Variants in SLC38A1 observed in about 807,000 individuals in gnomAD.
SLC38A1 encodes sodium-coupled neutral amino acid symporter 1.
Under a neutral mutation model 60.3 loss-of-function variants are expected in SLC38A1, and 18 were observed. That is an observed-to-expected ratio of 0.30 (90% CI 0.21 to 0.44). The LOEUF (loss-of-function observed/expected upper bound fraction) is 0.44, where lower values mean the gene tolerates loss of function less well. Among genes scored for constraint, SLC38A1 ranks in the 20% least tolerant of loss-of-function variants. The pLI, the probability that SLC38A1 is intolerant of heterozygous loss-of-function variation, is 1.00. For missense variants in SLC38A1, 448 were observed against 587.2 expected, an observed-to-expected ratio of 0.76 and a Z score of 2.45; for synonymous variants, 196 against 212.1, an observed-to-expected ratio of 0.92 and a Z score of 0.66.
At chr12:46,247,341 T>A (rs61182362) in intron 1 of SLC38A1, among the ~76,000 whole-genome samples, 7 of 152,290 alleles carry the variant, frequency 4.6e-5, no homozygotes, top group Admixed American at 1.3e-4. Flanking sequence ...AGACCACAAA[T>A]GACCTGATGG....
At chr12:46,223,334 G>A (rs1940733308) in intron 5 of SLC38A1, among the ~76,000 whole-genome samples, 1 of 152,128 alleles carries the variant, frequency 6.6e-6, no homozygotes, top group Non-Finnish European at 1.5e-5. Flanking sequence ...TTCAGTAAAT[G>A]TTAGCCATTA....
intron 16 of SLC38A1, among the ~76,000 whole-genome samples, chr12:46,193,192 C>CA (rs1466614711): frequency 6.6e-6 from 1 of 152,120 alleles, no homozygotes; most frequent in Non-Finnish European, 1.5e-5. Flanking sequence ...GTTATTTACC[C>CA]AGTAGTCATT....
intron 3 of SLC38A1, among the ~76,000 whole-genome samples, chr12:46,236,807 G>A (rs1941276298): frequency 6.6e-6 from 1 of 152,144 alleles, no homozygotes. Context: ...AATTTGCTAG[G>A]AATCAGAATT....
chr12:46,191,216 C>T (rs953838925), intron 16 of SLC38A1, among the ~76,000 whole-genome samples: 3 of 152,110 alleles, frequency 2.0e-5, no homozygotes, highest in Admixed American at 6.6e-5. Context: ...TTGTTTTTGT[C>T]AGGTTTGTCA....
At chr12:46,241,994 G>A (rs968360625) in intron 2 of SLC38A1, among the ~76,000 whole-genome samples, 7 of 152,090 alleles carry the variant, frequency 4.6e-5, no homozygotes, top group South Asian at 2.1e-4. Context: ...AATAGATCCC[G>A]AGTCTACTGT....
chr12:46,196,125 G>C, intron 16 of SLC38A1: 8 of 1,534,212 alleles, frequency 5.2e-6, no homozygotes, highest in Non-Finnish European at 7.0e-6. Context: ...TGTGAGAACA[G>C]ACTAATACAG....
At chr12:46,203,859 C>G (rs1939772553) in intron 11 of SLC38A1, among the ~76,000 whole-genome samples, 1 of 152,188 alleles carries the variant, frequency 6.6e-6, no homozygotes, top group Non-Finnish European at 1.5e-5. Flanking sequence ...CTGACTGACT[C>G]CATAATCCTC....
At position 46,216,634 on chromosome 12, in the gene SLC38A1, T is replaced by C. The variant is rs561973108; in HGVS notation, c.315-7507A>G. Reference sequence around the variant, plus strand: ...GGGAGGCAGAGGTGGGCAGATTGCCTGAGCTCAGGAGTTCGCGACCAGCCT... The same window carrying C: ...GGGAGGCAGAGGTGGGCAGATTGCCCGAGCTCAGGAGTTCGCGACCAGCCT... On this transcript the variant is annotated intron_variant, in intron 5 of 16. Coordinates refer to ENST00000398637, the MANE Select transcript of SLC38A1 (RefSeq NM_030674.4). 1.8e-4 allele frequency among the ~76,000 whole-genome samples: 27 copies of C among 152,272 alleles called. No individual in the cohort carries two copies. The South Asian group carries it at 5.4e-3, about 30-fold the overall frequency.
intron 1 of SLC38A1, among the ~76,000 whole-genome samples, chr12:46,245,019 G>C (rs971917044): frequency 6.6e-6 from 1 of 151,980 alleles, no homozygotes; most frequent in African/African-American, 2.4e-5. Flanking sequence ...CCATCACCTG[G>C]AATTATTTTG....
chr12:46,233,902 AT>A (rs976185948), intron 3 of SLC38A1, among the ~76,000 whole-genome samples: 1 of 152,022 alleles, frequency 6.6e-6, no homozygotes, highest in Non-Finnish European at 1.5e-5. Flanking sequence ...GTACTACTTA[AT>A]TTGCTTTTGC....
In SLC38A1 at chr12:46,192,273, G is replaced by A. The variant is rs537155704; in HGVS notation, c.1363-3202C>T. ...TATGTTGAAGCAGCCTTGCATCCCA[G>A]GGATGAAGCTGACTTGATCATAGTG... On this transcript the variant is annotated intron_variant, in intron 16 of 16. Coordinates refer to ENST00000398637, the MANE Select transcript of SLC38A1 (RefSeq NM_030674.4). Among the ~76,000 whole-genome samples the A allele has an allele frequency of 2.6e-5, 4 of 152,318 alleles. No individual in the cohort carries two copies. The South Asian group carries it at 8.3e-4, about 32-fold the overall frequency.
intron 5 of SLC38A1, among the ~76,000 whole-genome samples, chr12:46,222,374 C>T (rs1485277861): frequency 6.6e-6 from 1 of 152,104 alleles, no homozygotes; most frequent in African/African-American, 2.4e-5. Context: ...GTGTACCCTC[C>T]CCAAATATTC....
At chr12:46,194,777 T>C (rs754708330) in intron 16 of SLC38A1, among the ~76,000 whole-genome samples, 113 of 152,352 alleles carry the variant, frequency 7.4e-4, no homozygotes, top group Non-Finnish European at 1.4e-3. Context: ...TTCAGCTTCA[T>C]CAGGTCATTT....
intron 5 of SLC38A1, among the ~76,000 whole-genome samples, chr12:46,217,666 A>G (rs559743145): frequency 6.6e-6 from 1 of 152,366 alleles, no homozygotes; most frequent in African/African-American, 2.4e-5. Context: ...TAGAAACATA[A>G]TTATTCAGTC....
chr12:46,257,486 C>T (rs1405600502), intron 1 of SLC38A1, among the ~76,000 whole-genome samples: 1 of 152,190 alleles, frequency 6.6e-6, no homozygotes, highest in East Asian at 1.9e-4. Context: ...CTAACCCAAT[C>T]CCATTCTTTA....
At chr12:46,197,200 A>G (rs147629171) in intron 16 of SLC38A1, among the ~76,000 whole-genome samples, 1 of 152,214 alleles carries the variant, frequency 6.6e-6, no homozygotes, top group African/African-American at 2.4e-5. Context: ...ATAACAGTAA[A>G]ACCAGAGGGC....
At chr12:46,242,792 A>G (rs1592136801) in intron 2 of SLC38A1, among the ~76,000 whole-genome samples, 2 of 152,212 alleles carry the variant, frequency 1.3e-5, no homozygotes, top group Admixed American at 1.3e-4. Flanking sequence ...ACAGAGTGAG[A>G]CCCTGTCTCA....
intron 5 of SLC38A1, among the ~76,000 whole-genome samples, chr12:46,218,275 C>T (rs766294203): frequency 3.3e-5 from 5 of 151,936 alleles, no homozygotes; most frequent in African/African-American, 4.8e-5. Flanking sequence ...AAGGACAAGT[C>T]GTTTCCCTTC....
intron 1 of SLC38A1, among the ~76,000 whole-genome samples, chr12:46,243,839 C>T (rs1941526772): frequency 6.6e-6 from 1 of 152,176 alleles, no homozygotes; most frequent in African/African-American, 2.4e-5. Flanking sequence ...TTACCACAAC[C>T]TTGTGAGGTA....
Sources: gnomAD v4.1 joint callset for allele counts (sites outside exome capture counted in the v4.1 genomes callset) on GRCh38, gnomAD v4.1.1 for gene constraint, MANE v1.5 for transcripts, NCBI Gene and HGNC (gene_info 2026-07-23, HGNC 2026-07-21) for gene names.